The following FAM81A variants were observed in gnomAD, a reference collection of about 807,000 sequenced individuals.
The protein encoded by FAM81A is family with sequence similarity 81 member A.
In FAM81A, 19 loss-of-function variants were observed where a neutral mutation model predicts 46.7. The observed-to-expected ratio is 0.41, with a 90% CI of 0.28 to 0.60. FAM81A has a LOEUF of 0.60. Ranked by LOEUF, FAM81A falls within the 20% of genes least tolerant of loss-of-function variation. The pLI is 0.34. For missense variants in FAM81A, 377 were observed against 453.5 expected, an observed-to-expected ratio of 0.83 and a Z score of 1.53; for synonymous variants, 183 against 152.9, an observed-to-expected ratio of 1.20 and a Z score of -1.45.
chr15:59,413,527 G>A (rs1430880572), intron 2 of FAM81A, among the ~76,000 whole-genome samples: 1 of 151,836 alleles, frequency 6.6e-6, no homozygotes, highest in Non-Finnish European at 1.5e-5. Context: ...TATTTCAGGG[G>A]ATATAATCTT....
At chr15:59,437,882 G>T (rs1466282290), upstream of FAM81A, among the ~76,000 whole-genome samples, 7 of 152,180 alleles carry the variant, frequency 4.6e-5, no homozygotes, top group Middle Eastern at 3.4e-3. Flanking sequence ...CGAAATCCCC[G>T]CCCGCCAACT....
chr15:59,458,368 C>T (rs1266817798), intron 1 of FAM81A, among the ~76,000 whole-genome samples, 182 bp from the exon 2 acceptor site: 1 of 152,104 alleles, frequency 6.6e-6, no homozygotes, highest in Non-Finnish European at 1.5e-5. Context: ...TGCTTGATTG[C>T]TTTTCTTCTT....
chr15:59,412,291 G>T (rs1297466966), intron 2 of FAM81A, among the ~76,000 whole-genome samples: 2 of 152,228 alleles, frequency 1.3e-5, no homozygotes, highest in African/African-American at 4.8e-5. Context: ...CAGGAGTTTT[G>T]TTGGGGAGAG....
chr15:59,479,643 G>C (rs899843904), intron 3 of FAM81A, among the ~76,000 whole-genome samples: 1 of 152,026 alleles, frequency 6.6e-6, no homozygotes, highest in African/African-American at 2.4e-5. Flanking sequence ...CACCCAGGGG[G>C]ATCACTCCAG....
intron 3 of FAM81A, among the ~76,000 whole-genome samples, chr15:59,488,652 A>G (rs1184733217): frequency 6.6e-6 from 1 of 152,242 alleles, no homozygotes; most frequent in African/African-American, 2.4e-5. Context: ...AGAAATCAAG[A>G]AAGTAATCTC....
chr15:59,488,780 C>CGT (rs1281086257), intron 3 of FAM81A, among the ~76,000 whole-genome samples: 66 of 149,980 alleles, frequency 4.4e-4, no homozygotes, highest in African/African-American at 1.5e-3. Flanking sequence ...AATTTGAGAC[C>CGT]AGCCTGGGTA....
intron 1 of FAM81A, among the ~76,000 whole-genome samples, chr15:59,452,151 C>G (rs1454475220): frequency 6.6e-6 from 1 of 152,202 alleles, no homozygotes; most frequent in Non-Finnish European, 1.5e-5. Context: ...AAAGTCTCAT[C>G]TTAACTTGAA....
intron 1 of FAM81A, among the ~76,000 whole-genome samples, chr15:59,450,166 A>T (rs2081402305): frequency 6.8e-6 from 1 of 147,116 alleles, no homozygotes; most frequent in Non-Finnish European, 1.5e-5. Flanking sequence ...CCTGGGTTCA[A>T]GCCATCTGCC....
At chr15:59,399,194 A>G (rs2081060091) in intron 1 of FAM81A, among the ~76,000 whole-genome samples, 1 of 152,146 alleles carries the variant, frequency 6.6e-6, no homozygotes, top group South Asian at 2.1e-4. Context: ...ACAAAAAAGA[A>G]GAACAAAAAG....
intron 1 of FAM81A, 120 bp downstream of exon 1, chr15:59,438,402 A>G (rs2081259825): frequency 6.6e-6 from 1 of 152,156 alleles, no homozygotes; most frequent in Non-Finnish European, 1.5e-5. Flanking sequence ...GGGTAGAGAG[A>G]GCTGCGCGTG....
intron 2 of FAM81A, among the ~76,000 whole-genome samples, chr15:59,425,802 T>A (rs1279015833): frequency 6.6e-6 from 1 of 152,134 alleles, no homozygotes; most frequent in Non-Finnish European, 1.5e-5. Flanking sequence ...ATTATTTTAT[T>A]TTGTAGAGAT....
rs191335631 is a variant in FAM81A at position 59,409,235 on chromosome 15, G to A, written c.-78+6877G>A. ...ACTCCAGGTCTGGGTCCAGTGCAGTGACACTGGGGCTCTCACTCTCCTGCC... is the reference window on the plus strand; with the variant it reads ...ACTCCAGGTCTGGGTCCAGTGCAGTAACACTGGGGCTCTCACTCTCCTGCC... On this transcript the variant is annotated intron_variant, in intron 2 of 4. Coordinates refer to the FAM81A transcript ENST00000558348. Among the ~76,000 whole-genome samples, 3 of 152,234 alleles carry A rather than the reference G, an allele frequency of 2.0e-5. No homozygotes were observed. The East Asian group carries it at 5.8e-4, about 29-fold the overall frequency.
intron 3 of FAM81A, among the ~76,000 whole-genome samples, chr15:59,473,475 A>G (rs1596502385): frequency 1.3e-5 from 2 of 152,216 alleles, no homozygotes; most frequent in East Asian, 1.9e-4. Context: ...AAGTCTTGGA[A>G]CGTGTCCCCT....
rs551998565 is a variant in FAM81A at position 59,415,520 on chromosome 15, T to C, written c.-78+13162T>C. On this transcript the variant is annotated intron_variant, in intron 2 of 4. Transcript: ENST00000558348. ...GAGGCAGACGAGAGGCTTGGAGAGATGCTACGTTGAAAGGACTTGATCTTC... is the reference window on the plus strand; with the variant it reads ...GAGGCAGACGAGAGGCTTGGAGAGACGCTACGTTGAAAGGACTTGATCTTC... 1.3e-5 allele frequency among the ~76,000 whole-genome samples: 2 copies of C among 152,302 alleles called. 1 individual carries two copies. The highest frequency in any genetic ancestry group is 4.8e-5 in the African/African-American group (2 of 41,564).
chr15:59,438,116 GGCCGGGCCGCGC>G (rs1188278116), upstream of FAM81A: 1 of 146,212 alleles, frequency 6.8e-6, no homozygotes. Flanking sequence ...CCGCGAACCC[GGCCGGGCCGCGC>G]GCCGGGCCAG....
At chr15:59,438,583 G>T (rs1305522444) in intron 1 of FAM81A, 3 of 152,256 alleles carry the variant, frequency 2.0e-5, no homozygotes, top group African/African-American at 7.2e-5. Context: ...GGATTGCCAG[G>T]GGTAAAGGCG....
At position 59,460,034 on chromosome 15, in the gene FAM81A, A is replaced by G; in HGVS notation, c.122A>G (p.Glu41Gly). Residue 41 changes from glutamate to glycine, a missense_variant, in exon 3 of 9, where the codon GAG becomes GGG. Coordinates refer to ENST00000288228, the MANE Select transcript of FAM81A (RefSeq NM_152450.3). The surrounding 1 kb of genome is among the most constrained non-coding windows in gnomAD (Gnocchi z 4.4). ...CTGGAAGACAGGATCCTCTGCCATGAGAAAACCACCGCCGCCCTCGTAGAG... is the reference window on the plus strand; with the variant it reads ...CTGGAAGACAGGATCCTCTGCCATGGGAAAACCACCGCCGCCCTCGTAGAG... ...EQLEDRILCH[E>G]KTTAALVEHA... The G allele has an allele frequency of 6.2e-7, 1 of 1,613,978 alleles. No homozygotes were observed. Among genetic ancestry groups the G allele is most frequent in the Non-Finnish European group, 8.5e-7 (1 of 1,179,890 alleles).
intron 2 of FAM81A, among the ~76,000 whole-genome samples, chr15:59,414,804 G>A (rs2081138481): frequency 6.6e-6 from 1 of 152,066 alleles, no homozygotes; most frequent in Non-Finnish European, 1.5e-5. Context: ...ATTACCTGAC[G>A]TGGTAAAAGG....
intron 3 of FAM81A, among the ~76,000 whole-genome samples, chr15:59,470,169 C>A (rs1301867699): frequency 1.3e-5 from 2 of 152,160 alleles, no homozygotes; most frequent in Non-Finnish European, 2.9e-5. Context: ...CCTTGTGAAT[C>A]TGACAATTAT....
Sources: allele counts gnomAD v4.1 joint callset (sites outside exome capture counted in the v4.1 genomes callset), GRCh38; gene constraint gnomAD v4.1.1; non-coding constraint Gnocchi (gnomAD v3.1); transcripts MANE v1.5; gene names NCBI Gene and HGNC (gene_info 2026-07-23, HGNC 2026-07-21).